TTC21A: variants seen among roughly 807,000 people sequenced by gnomAD.
TTC21A encodes the protein tetratricopeptide repeat domain 21A.
Under a neutral mutation model 156.4 loss-of-function variants are expected in TTC21A, and 128 were observed. The ratio of observed to expected loss-of-function variants is 0.82; its 90% confidence interval spans 0.71 to 0.95. The LOEUF is 0.95. TTC21A is among the 40% of genes least tolerant of loss of function. The probability of loss-of-function intolerance (pLI) is 0.00; values close to 1 mark genes in which losing one functional copy is unlikely to be tolerated. For missense variants in TTC21A, 1,435 were observed against 1,602.3 expected (o/e 0.90, Z 1.78); for synonymous variants, 587 against 617.1 (o/e 0.95, Z 0.72).
Position 39,130,270 on chromosome 3 carries a change from A to C in TTC21A, c.2231A>C (p.Tyr744Ser). 6.2e-7 allele frequency: 1 copy of C among 1,613,956 alleles called. No homozygotes were observed. Among genetic ancestry groups the C allele is most frequent in the Non-Finnish European group, 8.5e-7 (1 of 1,179,898 alleles). ...CAGCCCGAGAAGGCCCTGGAGGTCTATGATGAGGCCTATAGACAGAACCCA... is the reference window on the plus strand; with the variant it reads ...CAGCCCGAGAAGGCCCTGGAGGTCTCTGATGAGGCCTATAGACAGAACCCA... ...ILEPEKALEV[Y>S]DEAYRQNPHD... Residue 744 changes from tyrosine to serine, a missense_variant, in exon 17 of 29, where the codon TAT becomes TCT. Physicochemically the swap from Tyr to Ser is moderately radical, Grantham distance 144. Coordinates refer to ENST00000683103, the MANE Select transcript of TTC21A (RefSeq NM_001366900.1). This position sits in a 1 kb window ranked among gnomAD's most constrained non-coding sequence, Gnocchi z 4.5.
chr3:39,107,905 C>T (rs1245880021), intron 1 of TTC21A, 41 bp downstream of exon 1: 22 of 1,608,488 alleles, frequency 1.4e-5, no homozygotes, highest in Non-Finnish European at 1.9e-5. Flanking sequence ...CCTCGTGACT[C>T]CCCGCCCCTG....
intron 9 of TTC21A, among the ~76,000 whole-genome samples, chr3:39,123,340 C>T (rs1203253213): frequency 6.6e-6 from 1 of 152,096 alleles, no homozygotes; most frequent in Non-Finnish European, 1.5e-5. Flanking sequence ...TAGCTTGCTT[C>T]AAACAGATGA....
Position 39,136,416 on chromosome 3 carries a change from G to A in TTC21A, c.3004G>A (p.Asp1002Asn). 1 of 1,614,200 alleles carries A rather than the reference G, an allele frequency of 6.2e-7. No homozygotes were observed. Among genetic ancestry groups the A allele is most frequent in the South Asian group, 1.1e-5 (1 of 91,080 alleles). The change falls in exon 23 of 29, where the codon GAC (aspartate) becomes AAC (asparagine). Residue 1002 changes from aspartate (D) to asparagine (N), a missense_variant. Asp to Asn is a conservative substitution (Grantham distance 23, BLOSUM62 1). Transcript: ENST00000683103. The part of the protein sequence containing the change: ...DLLRRSGKLE[D>N]IPAFFELAKK... Reference sequence around the variant, plus strand: ...GCTAAGAAGAAGTGGAAAACTTGAAGACATTCCTGCCTTCTTTGAATTGGC... The same window carrying A: ...GCTAAGAAGAAGTGGAAAACTTGAAAACATTCCTGCCTTCTTTGAATTGGC...
intron 7 of TTC21A, 90 bp from the exon 8 acceptor site, chr3:39,119,832 C>A: frequency 1.2e-6 from 1 of 835,184 alleles, no homozygotes; most frequent in Non-Finnish European, 1.9e-6. Context: ...AATCTCCCAG[C>A]TGATGCTACT....
Position 39,134,786 on chromosome 3 carries a change from GAGGCTTCCCCTGT to G in TTC21A, c.2863-301_2863-289del. 1 of 523,268 alleles carries G rather than the reference GAGGCTTCCCCTGT, an allele frequency of 1.9e-6. No individual in the cohort carries two copies. Among genetic ancestry groups the G allele is most frequent in the Non-Finnish European group, 3.5e-6 (1 of 289,332 alleles). The allele number at this position is 523,268 out of a possible 1,614,324, so 32.4% of individuals were successfully genotyped here. ...CCTGGCAGTTCTCAGAATGGGTGGA[GAGGCTTCCCCTGT>G]AGGCTGTCAAAAAGCCCCACTGGTC... On this transcript the variant is annotated intron_variant, in intron 21 of 28. Coordinates refer to ENST00000683103, the MANE Select transcript of TTC21A (RefSeq NM_001366900.1). The surrounding 1 kb of genome is among the most constrained non-coding windows in gnomAD (Gnocchi z 4.6).
chr3:39,127,432 G>A (rs1046321428), intron 12 of TTC21A, among the ~76,000 whole-genome samples: 2 of 152,196 alleles, frequency 1.3e-5, no homozygotes, highest in African/African-American at 4.8e-5. Context: ...ACAAGGCCAG[G>A]GTGAGAGAAC....
intron 5 of TTC21A, among the ~76,000 whole-genome samples, chr3:39,114,209 T>G (rs1413644175): frequency 6.6e-6 from 1 of 152,170 alleles, no homozygotes; most frequent in African/African-American, 2.4e-5. Flanking sequence ...TGAGGAAATA[T>G]GGAAAAGTGA....
At chr3:39,128,243 G>A (rs764871043) in intron 12 of TTC21A, 88 bp from the exon 13 acceptor site, 17 of 1,419,640 alleles carry the variant, frequency 1.2e-5, no homozygotes, top group Admixed American at 3.8e-5. Flanking sequence ...CTGGGGAACA[G>A]GACATGTAAA....
At chr3:39,113,372 G>A (rs188457429) in intron 5 of TTC21A, among the ~76,000 whole-genome samples, 3 of 152,316 alleles carry the variant, frequency 2.0e-5, no homozygotes, top group East Asian at 3.9e-4. Context: ...GAAAGAGAAG[G>A]CGGGCTGTGA....
At chr3:39,113,962 A>G (rs1390247825) in intron 5 of TTC21A, among the ~76,000 whole-genome samples, 1 of 152,246 alleles carries the variant, frequency 6.6e-6, no homozygotes, top group Non-Finnish European at 1.5e-5. Flanking sequence ...CCGTCCTTTC[A>G]GAGTCCAATT....
intron 19 of TTC21A, among the ~76,000 whole-genome samples, chr3:39,132,324 C>T (rs1480093651): frequency 1.3e-5 from 2 of 152,328 alleles, no homozygotes; most frequent in East Asian, 1.9e-4. Flanking sequence ...TCTGGCCTTT[C>T]CCAACCCATG....
intron 9 of TTC21A, among the ~76,000 whole-genome samples, chr3:39,123,332 G>A (rs2037930588): frequency 6.6e-6 from 1 of 152,164 alleles, no homozygotes; most frequent in South Asian, 2.1e-4. Flanking sequence ...AAGTAGAATA[G>A]CTTGCTTCAA....
intron 2 of TTC21A, among the ~76,000 whole-genome samples, chr3:39,109,578 C>T (rs374837431): frequency 4.9e-4 from 74 of 152,238 alleles, no homozygotes; most frequent in African/African-American, 1.8e-3. Flanking sequence ...GGTACAGGTA[C>T]AGGGAGAGGA....
intron 1 of TTC21A, chr3:39,108,222 C>T (rs1021720200): frequency 2.3e-6 from 1 of 430,236 alleles, no homozygotes; most frequent in African/African-American, 2.0e-5. Flanking sequence ...TACCTCTTCC[C>T]TATACTCATC....
chr3:39,136,186 A>G, intron 22 of TTC21A, 171 bp from the exon 23 acceptor site: 1 of 584,750 alleles, frequency 1.7e-6, no homozygotes, highest in Non-Finnish European at 3.0e-6. Context: ...TTTAAGCATT[A>G]GTATTATTCT....
At position 39,134,487 on chromosome 3, in the gene TTC21A, T is replaced by C; in HGVS notation, c.2862+159T>C. The C allele has an allele frequency of 1.4e-6, 1 of 704,448 alleles. No individual in the cohort carries two copies. Among genetic ancestry groups the C allele is most frequent in the South Asian group, 1.5e-5 (1 of 68,398 alleles). 43.6% of individuals were successfully genotyped at this position (704,448 alleles called of 1,614,324 possible). On this transcript the variant is annotated intron_variant, in intron 21 of 28. Coordinates refer to ENST00000683103, the MANE Select transcript of TTC21A (RefSeq NM_001366900.1). This position sits in a 1 kb window ranked among gnomAD's most constrained non-coding sequence, Gnocchi z 4.6. ...AGAGAGGACTCAGTGCTGCACCTAC[T>C]CTGCCCTTTAGCCGGAAGCGGTAGG...
rs746486303 is a variant in TTC21A, at chr3:39,109,183, G to A, written c.126G>A (p.Lys42=). 1.2e-6 allele frequency: 2 copies of A among 1,614,178 alleles called. No individual in the cohort carries two copies. Among genetic ancestry groups the A allele is most frequent in the Admixed American group, 3.3e-5 (2 of 60,020 alleles). The part of the protein sequence containing the change: ...LEKFSNDPVL[K]FFKAYGVLKE... ...AATTCAGCAATGACCCTGTGTTGAA[G>A]TTCTTTAAAGCCTATGGAGTCCTCA... The change falls in exon 2 of 29, where the codon AAG becomes AAA. Residue 42 remains lysine, a synonymous_variant. Transcript: ENST00000683103.
chr3:39,108,912 G>T (rs1006394977), intron 1 of TTC21A, among the ~76,000 whole-genome samples, 173 bp from the exon 2 acceptor site: 3 of 152,202 alleles, frequency 2.0e-5, no homozygotes, highest in African/African-American at 7.2e-5. Context: ...GCATGGAGCT[G>T]CTCCCAGGGC....
At chr3:39,122,491 C>T (rs773841849) in intron 9 of TTC21A, among the ~76,000 whole-genome samples, 7 of 152,084 alleles carry the variant, frequency 4.6e-5, no homozygotes, top group Non-Finnish European at 1.0e-4. Context: ...TTTAGTAGAC[C>T]AGCTTTCCCC....
Sources: allele counts gnomAD v4.1 joint callset (sites outside exome capture counted in the v4.1 genomes callset), GRCh38; gene constraint gnomAD v4.1.1; non-coding constraint Gnocchi (gnomAD v3.1); transcripts MANE v1.5; gene names NCBI Gene and HGNC (gene_info 2026-07-23, HGNC 2026-07-21).